The following DNAAF4 variants were observed in gnomAD, a reference collection of about 807,000 sequenced individuals.
DNAAF4 encodes the protein dynein assembly factor 4, axonemal.
A neutral mutation model predicts 51.8 loss-of-function variants in DNAAF4; 43 were observed. The observed-to-expected ratio is 0.83, with a 90% CI of 0.65 to 1.07. The LOEUF is 1.07. DNAAF4 is among the 50% of genes least tolerant of loss of function. The pLI, the probability that DNAAF4 is intolerant of heterozygous loss-of-function variation, is 0.00. For synonymous variants in DNAAF4, 194 were observed against 165.6 expected, an observed-to-expected ratio of 1.17 and a Z score of -1.32; for missense variants, 581 against 493.0, an observed-to-expected ratio of 1.18 and a Z score of -1.69.
At chr15:55,489,507 C>G (rs2058540014) in intron 4 of DNAAF4, among the ~76,000 whole-genome samples, 1 of 151,914 alleles carries the variant, frequency 6.6e-6, no homozygotes, top group Non-Finnish European at 1.5e-5. Context: ...AGCCCTGTCT[C>G]TACTAAAAAT....
intron 6 of DNAAF4, among the ~76,000 whole-genome samples, chr15:55,447,336 C>A (rs886490693): frequency 5.1e-4 from 78 of 151,912 alleles, no homozygotes; most frequent in African/African-American, 1.8e-3. Flanking sequence ...AGACGATGGG[C>A]GGCCAGGCAG....
At chr15:55,462,351 C>T (rs2058105182) in intron 5 of DNAAF4, among the ~76,000 whole-genome samples, 1 of 152,090 alleles carries the variant, frequency 6.6e-6, no homozygotes, top group Admixed American at 6.6e-5. Flanking sequence ...TGCCACCACA[C>T]CCTGCTAATT....
exon 8 of DNAAF4, chr15:55,418,101 C>T: frequency 6.3e-7 from 1 of 1,585,454 alleles, no homozygotes. Flanking sequence ...GCTCAGAGGC[C>T]TGACATTCAA....
chr15:55,488,578 C>G (rs970745966), intron 4 of DNAAF4, among the ~76,000 whole-genome samples: 2 of 152,076 alleles, frequency 1.3e-5, no homozygotes, highest in African/African-American at 4.8e-5. Context: ...GTTTGAGCAC[C>G]AATTTACTTG....
At chr15:55,433,850 T>TATATTATAA (rs1263620991) in intron 8 of DNAAF4, among the ~76,000 whole-genome samples, 1 of 59,456 alleles carries the variant, frequency 1.7e-5, no homozygotes, top group African/African-American at 5.6e-5. Context: ...ATATATTATA[T>TATATTATAA]ATATTATAAT....
At chr15:55,440,438 G>C (rs1009708940) in intron 6 of DNAAF4, among the ~76,000 whole-genome samples, 10 of 151,940 alleles carry the variant, frequency 6.6e-5, no homozygotes, top group African/African-American at 2.4e-5. Context: ...GAGTGCAGTG[G>C]TGCGATCTCG....
intron 4 of DNAAF4, among the ~76,000 whole-genome samples, chr15:55,468,006 A>T (rs929247700): frequency 6.6e-6 from 1 of 152,218 alleles, no homozygotes; most frequent in Non-Finnish European, 1.5e-5. Context: ...ACTTACTTCA[A>T]TGATCAAAAT....
intron 6 of DNAAF4, among the ~76,000 whole-genome samples, chr15:55,447,075 G>A (rs1328887192): frequency 1.4e-5 from 2 of 145,970 alleles, no homozygotes; most frequent in African/African-American, 2.6e-5. Context: ...GGCAGCTGAC[G>A]GGCAGAGGTG....
chr15:55,507,118 T>C (rs1036763579), intron 1 of DNAAF4, among the ~76,000 whole-genome samples: 3 of 152,162 alleles, frequency 2.0e-5, no homozygotes, highest in Non-Finnish European at 2.9e-5. Context: ...CCCAAAGTGC[T>C]GGGATTACAG....
chr15:55,486,132 C>G (rs76717585), intron 4 of DNAAF4, among the ~76,000 whole-genome samples: 3,468 of 151,622 alleles, frequency 0.023, 70 homozygotes, highest in Non-Finnish European at 0.033. Context: ...CCACCTCAAT[C>G]TCTCCCTTTC....
At position 55,477,480 on chromosome 15, in the gene DNAAF4, G is replaced by T. The variant is rs182399279; in HGVS notation, c.406-10319C>A. 2.5e-3 allele frequency among the ~76,000 whole-genome samples: 243 copies of T among 96,650 alleles called. 1 individual carries two copies. Among genetic ancestry groups the T allele is most frequent in the African/African-American group, 6.7e-3 (238 of 35,436 alleles). 63.4% of individuals were successfully genotyped at this position (96,650 alleles called of 152,430 possible). A position where few individuals can be genotyped will look rare whatever the true frequency, so the allele number is the denominator to read the frequency against. ...ACCTGAATGGCACTAATAGACCAAA[G>T]GGAGGAGTAGAAAATGGAGTTATAT... is the stretch of plus-strand genomic sequence containing the variant. On this transcript the variant is annotated intron_variant, in intron 4 of 9. Transcript: ENST00000321149.
At chr15:55,481,297 G>A (rs565686410) in intron 4 of DNAAF4, among the ~76,000 whole-genome samples, 140 of 152,258 alleles carry the variant, frequency 9.2e-4, no homozygotes, top group Admixed American at 1.9e-3. Flanking sequence ...AAGGGATGCT[G>A]CCCCAAAATT....
chr15:55,487,242 C>T (rs2058503195), intron 4 of DNAAF4, among the ~76,000 whole-genome samples: 1 of 152,112 alleles, frequency 6.6e-6, no homozygotes, highest in Admixed American at 6.6e-5. Flanking sequence ...GTAAACATAC[C>T]AATCAGCACT....
intron 7 of DNAAF4, among the ~76,000 whole-genome samples, chr15:55,425,182 G>T (rs1187544896): frequency 6.6e-6 from 1 of 152,144 alleles, no homozygotes. Flanking sequence ...TTGCTCTTAA[G>T]AGCCCAGTCA....
chr15:55,451,562 A>G (rs2057933022), intron 5 of DNAAF4, among the ~76,000 whole-genome samples: 1 of 152,202 alleles, frequency 6.6e-6, no homozygotes, highest in South Asian at 2.1e-4. Flanking sequence ...AGCAAAATGA[A>G]AAAGAATGGG....
intron 4 of DNAAF4, among the ~76,000 whole-genome samples, chr15:55,485,868 A>T (rs190772334): frequency 1.8e-4 from 27 of 151,678 alleles, no homozygotes; most frequent in African/African-American, 5.8e-4. Context: ...GGTGGCGGGC[A>T]CCTGTAGTCG....
At chr15:55,466,856 T>C in intron 5 of DNAAF4, 74 bp downstream of exon 5, 2 of 1,540,756 alleles carry the variant, frequency 1.3e-6, no homozygotes, top group South Asian at 2.5e-5. Flanking sequence ...GTGAATAGAT[T>C]TACAAAAAAA....
chr15:55,494,035 T>C (rs1263205150), intron 3 of DNAAF4, among the ~76,000 whole-genome samples: 1 of 151,788 alleles, frequency 6.6e-6, no homozygotes, highest in African/African-American at 2.4e-5. Flanking sequence ...TTTCTTGTTT[T>C]TTTTTTTTTT....
At chr15:55,499,531 C>T (rs2058682343) in intron 1 of DNAAF4, among the ~76,000 whole-genome samples, 1 of 152,172 alleles carries the variant, frequency 6.6e-6, no homozygotes, top group East Asian at 1.9e-4. Context: ...TTGCTTTGCT[C>T]CAAATTCCTC....
Sources: allele counts gnomAD v4.1 joint callset (sites outside exome capture counted in the v4.1 genomes callset), GRCh38; gene constraint gnomAD v4.1.1; transcripts MANE v1.5; gene names NCBI Gene and HGNC (gene_info 2026-07-23, HGNC 2026-07-21).